TRMT11: variants seen among roughly 807,000 people sequenced by gnomAD.
The protein encoded by TRMT11 is tRNA (guanine(10)-N(2))-methyltransferase TRMT11.
Under a neutral mutation model 62.8 loss-of-function variants are expected in TRMT11, and 53 were observed. That is an observed-to-expected ratio of 0.84 (90% CI 0.68 to 1.06). The LOEUF (loss-of-function observed/expected upper bound fraction) is 1.06, where lower values mean the gene tolerates loss of function less well. Ranked by LOEUF, TRMT11 falls within the 50% of genes least tolerant of loss-of-function variation. TRMT11 has a pLI of 0.00. For missense variants in TRMT11, 556 were observed against 553.4 expected (o/e 1.00, Z -0.05); for synonymous variants, 188 against 190.3 (o/e 0.99, Z 0.10).
chr6:126,270,113 C>T, the TRMT11 span, among the ~76,000 whole-genome samples: 1 of 152,178 alleles, frequency 6.6e-6, no homozygotes, highest in Non-Finnish European at 1.5e-5. Flanking sequence ...ATCTCAGATA[C>T]ATGGCATAAC....
At chr6:126,080,108 GTTGTTT>G (rs1413359122) in intron 17 of TRMT11, among the ~76,000 whole-genome samples, 2 of 151,854 alleles carry the variant, frequency 1.3e-5, no homozygotes, top group South Asian at 2.1e-4. Context: ...TGTTGTTGTT[GTTGTTT>G]TTTTAGAGAC....
the TRMT11 span, among the ~76,000 whole-genome samples, chr6:126,244,532 C>T: frequency 6.6e-6 from 1 of 152,140 alleles, no homozygotes; most frequent in African/African-American, 2.4e-5. Flanking sequence ...AGCTTTGCTT[C>T]CAAGGGAAAT....
the TRMT11 span, among the ~76,000 whole-genome samples, chr6:126,217,781 G>T: frequency 6.6e-6 from 1 of 152,064 alleles, no homozygotes; most frequent in African/African-American, 2.4e-5. Flanking sequence ...AGGCCCTAGG[G>T]CTCAACACTC....
chr6:126,035,941 T>C (rs1775104112), intron 12 of TRMT11, among the ~76,000 whole-genome samples: 1 of 152,144 alleles, frequency 6.6e-6, no homozygotes, highest in African/African-American at 2.4e-5. Context: ...TTGGGCTTTG[T>C]CTTCTGCCTC....
chr6:126,130,346 A>G (rs548697330), intron 21 of TRMT11, among the ~76,000 whole-genome samples: 115 of 152,218 alleles, frequency 7.6e-4, no homozygotes, highest in African/African-American at 2.6e-3. Flanking sequence ...TAGAAATTCA[A>G]TGGATACAAA....
intron 21 of TRMT11, among the ~76,000 whole-genome samples, chr6:126,161,312 A>G (rs2128228596): frequency 6.6e-6 from 1 of 151,974 alleles, no homozygotes; most frequent in African/African-American, 2.4e-5. Context: ...ACTCCCACTT[A>G]TAAGTGAGAA....
At chr6:126,009,595 G>A (rs370587928) in intron 8 of TRMT11, among the ~76,000 whole-genome samples, 1 of 151,772 alleles carries the variant, frequency 6.6e-6, no homozygotes, top group Admixed American at 6.6e-5. Flanking sequence ...ATTTTCTTTT[G>A]TGGAAGTAAT....
At chr6:126,263,972 T>C in the TRMT11 span, among the ~76,000 whole-genome samples, 1 of 152,240 alleles carries the variant, frequency 6.6e-6, no homozygotes, top group Non-Finnish European at 1.5e-5. Context: ...TTGGGCAATA[T>C]AGTGAAACAT....
chr6:126,260,948 A>C, the TRMT11 span, among the ~76,000 whole-genome samples: 3 of 152,182 alleles, frequency 2.0e-5, no homozygotes, highest in Non-Finnish European at 4.4e-5. Context: ...TTGAGTTTCT[A>C]GAATCTGGAT....
intron 17 of TRMT11, among the ~76,000 whole-genome samples, chr6:126,093,635 T>TTTTTTTTTC: frequency 1.5e-5 from 1 of 67,650 alleles, no homozygotes; most frequent in African/African-American, 5.2e-5. Context: ...ATATATATTT[T>TTTTTTTTTC]CCCCCAGTCC....
At chr6:125,995,077 A>G (rs1791267463) in intron 2 of TRMT11, among the ~76,000 whole-genome samples, 1 of 152,172 alleles carries the variant, frequency 6.6e-6, no homozygotes, top group Admixed American at 6.5e-5. Context: ...GCAAACCACC[A>G]TGGCACACGT....
At chr6:126,235,361 T>C in the TRMT11 span, among the ~76,000 whole-genome samples, 4 of 152,136 alleles carry the variant, frequency 2.6e-5, no homozygotes, top group African/African-American at 9.7e-5. Flanking sequence ...GGGTATATAC[T>C]CAAAGGAATA....
At chr6:126,127,537 G>A (rs1203404041) in intron 21 of TRMT11, among the ~76,000 whole-genome samples, 1 of 150,952 alleles carries the variant, frequency 6.6e-6, no homozygotes, top group Non-Finnish European at 1.5e-5. Context: ...AAGTTTTAGG[G>A]TACATGTGCA....
rs763627845 is a variant in TRMT11 at position 126,021,207 on chromosome 6, G to A, written c.1187G>A (p.Ser396Asn). ...TGGCACCCTTGCCTGGAACTCGTTA[G>A]CAACTGCGAGCAGAAGCTTTCCAGT... is the stretch of plus-strand genomic sequence containing the variant. The part of the protein sequence containing the change: ...VPWHPCLELV[S>N]NCEQKLSSHT... Residue 396 changes from serine (S) to asparagine (N), a missense_variant, in exon 12 of 13, where the codon AGC becomes AAC. Coordinates refer to ENST00000334379, the MANE Select transcript of TRMT11 (RefSeq NM_001031712.3). The A allele has an allele frequency of 5.6e-6, 9 of 1,614,202 alleles. No homozygotes were observed. Among genetic ancestry groups the A allele is most frequent in the Admixed American group, 3.3e-5 (2 of 60,038 alleles).
chr6:126,268,460 C>T, the TRMT11 span, among the ~76,000 whole-genome samples: 8 of 152,120 alleles, frequency 5.3e-5, no homozygotes, highest in Non-Finnish European at 1.0e-4. Context: ...GGGGGCATAC[C>T]AGTAATAACC....
chr6:126,139,360 G>A (rs1325745884), intron 21 of TRMT11, among the ~76,000 whole-genome samples: 2 of 151,826 alleles, frequency 1.3e-5, no homozygotes, highest in Middle Eastern at 3.2e-3. Flanking sequence ...TTTTATTTAT[G>A]TAACAAATAT....
At chr6:126,159,196 T>C (rs1374333642) in intron 21 of TRMT11, among the ~76,000 whole-genome samples, 6 of 152,270 alleles carry the variant, frequency 3.9e-5, no homozygotes, top group Non-Finnish European at 7.3e-5. Flanking sequence ...GCAAGTGATA[T>C]GTGCCACTTT....
chr6:126,050,840 A>C (rs551746990), intron 16 of TRMT11, among the ~76,000 whole-genome samples: 39 of 152,354 alleles, frequency 2.6e-4, no homozygotes, highest in African/African-American at 9.1e-4. Flanking sequence ...TTACTCATCT[A>C]TTCATTCATT....
chr6:126,103,322 A>G (rs1225365253), intron 17 of TRMT11, among the ~76,000 whole-genome samples: 1 of 152,236 alleles, frequency 6.6e-6, no homozygotes, highest in African/African-American at 2.4e-5. Context: ...TGAGTCTTTT[A>G]TACTATTCAC....
Sources: gnomAD v4.1 joint callset for allele counts (sites outside exome capture counted in the v4.1 genomes callset) on GRCh38, gnomAD v4.1.1 for gene constraint, MANE v1.5 for transcripts, NCBI Gene and HGNC (gene_info 2026-07-23, HGNC 2026-07-21) for gene names.